The following NLGN1 variants were observed in gnomAD, a reference collection of about 807,000 sequenced individuals.
NLGN1 encodes the protein neuroligin-1.
A neutral mutation model predicts 65.5 loss-of-function variants in NLGN1; 12 were observed. The observed-to-expected ratio is 0.18, with a 90% CI of 0.12 to 0.30. The LOEUF (loss-of-function observed/expected upper bound fraction) is 0.30, where lower values mean the gene tolerates loss of function less well. Among genes scored for constraint, NLGN1 ranks in the 10% least tolerant of loss-of-function variants. The pLI is 1.00. For missense variants in NLGN1, 750 were observed against 1,007.1 expected, an observed-to-expected ratio of 0.74 and a Z score of 3.46; for synonymous variants, 350 against 359.5, an observed-to-expected ratio of 0.97 and a Z score of 0.30.
chr3:173,779,081 G>A (rs887176022), intron 3 of NLGN1, among the ~76,000 whole-genome samples: 3 of 151,506 alleles, frequency 2.0e-5, no homozygotes, highest in African/African-American at 7.2e-5. Context: ...AGTTCATTGT[G>A]CTTAATGTAT....
intron 2 of NLGN1, among the ~76,000 whole-genome samples, chr3:173,505,329 C>T (rs1359432665): frequency 1.3e-5 from 2 of 152,118 alleles, no homozygotes; most frequent in Non-Finnish European, 1.5e-5. Context: ...AATGGAGCTC[C>T]ATGCATGGAA....
At chr3:173,824,956 A>T (rs1173225093) in intron 4 of NLGN1, among the ~76,000 whole-genome samples, 1 of 152,074 alleles carries the variant, frequency 6.6e-6, no homozygotes. Context: ...GCAGATTAGA[A>T]ACATGTAGGT....
At chr3:174,177,290 T>C (rs1051178586) in intron 4 of NLGN1, among the ~76,000 whole-genome samples, 1 of 152,084 alleles carries the variant, frequency 6.6e-6, no homozygotes, top group African/African-American at 2.4e-5. Context: ...TCTTTCTACA[T>C]TTTTATTTTT....
intron 4 of NLGN1, among the ~76,000 whole-genome samples, chr3:174,157,517 C>T (rs981263768): frequency 2.6e-5 from 4 of 151,310 alleles, no homozygotes; most frequent in Admixed American, 6.6e-5. Context: ...TTTCTACCAA[C>T]GATAGTTGAC....
chr3:173,565,101 A>G (rs1294247788), intron 2 of NLGN1, among the ~76,000 whole-genome samples: 1 of 152,214 alleles, frequency 6.6e-6, no homozygotes, highest in Non-Finnish European at 1.5e-5. Flanking sequence ...GGGCAAAGTT[A>G]GAGAAGATGT....
At chr3:173,828,384 C>T (rs1721792839) in intron 4 of NLGN1, among the ~76,000 whole-genome samples, 1 of 152,046 alleles carries the variant, frequency 6.6e-6, no homozygotes, top group Non-Finnish European at 1.5e-5. Flanking sequence ...CACGGGTCCC[C>T]TTCCAAATGA....
chr3:174,107,691 TA>T (rs1332928851), intron 4 of NLGN1, among the ~76,000 whole-genome samples: 1 of 152,206 alleles, frequency 6.6e-6, no homozygotes, highest in Non-Finnish European at 1.5e-5. Context: ...GTTGCATTTT[TA>T]TTTTTTTAAT....
At chr3:173,746,136 A>G (rs1775323555) in intron 3 of NLGN1, among the ~76,000 whole-genome samples, 1 of 151,980 alleles carries the variant, frequency 6.6e-6, no homozygotes, top group South Asian at 2.1e-4. Flanking sequence ...ATACCCACCT[A>G]TTAATCTTAG....
chr3:173,864,596 G>T (rs1297744132), intron 4 of NLGN1, among the ~76,000 whole-genome samples: 1 of 152,054 alleles, frequency 6.6e-6, no homozygotes, highest in Non-Finnish European at 1.5e-5. Context: ...TCTTAATTTT[G>T]CTATTTACCA....
intron 2 of NLGN1, among the ~76,000 whole-genome samples, chr3:173,488,832 C>A (rs1728590075): frequency 6.6e-6 from 1 of 151,168 alleles, no homozygotes. Flanking sequence ...TTGCTTCTTT[C>A]AAAATTTTTT....
chr3:174,281,057 T>C (rs1362331069), exon 7 of NLGN1: 6 of 1,613,404 alleles, frequency 3.7e-6, no homozygotes, highest in African/African-American at 1.3e-5. Flanking sequence ...ATTTGGATCA[T>C]GAATGTGAGT....
chr3:174,030,317 G>A (rs1180745159), intron 4 of NLGN1, among the ~76,000 whole-genome samples: 1 of 151,780 alleles, frequency 6.6e-6, no homozygotes, highest in Non-Finnish European at 1.5e-5. Context: ...GTAGAGATGG[G>A]GTTTCACCAT....
At chr3:174,127,031 T>C (rs1719089864) in intron 4 of NLGN1, among the ~76,000 whole-genome samples, 1 of 152,114 alleles carries the variant, frequency 6.6e-6, no homozygotes, top group Non-Finnish European at 1.5e-5. Context: ...TCACCATTTT[T>C]TCCAAAAATG....
chr3:173,435,092 G>T (rs1253537356), intron 2 of NLGN1: 1 of 152,636 alleles, frequency 6.6e-6, no homozygotes, highest in Non-Finnish European at 1.5e-5. Flanking sequence ...AGTTCTCGCA[G>T]TTTGATTTCC....
intron 2 of NLGN1, among the ~76,000 whole-genome samples, chr3:173,591,745 C>A (rs1223305786): frequency 6.6e-6 from 1 of 152,120 alleles, no homozygotes. Context: ...CCACTCTTCC[C>A]AGGCATGAGC....
At chr3:173,877,786 C>T (rs1483154934) in intron 4 of NLGN1, among the ~76,000 whole-genome samples, 1 of 152,088 alleles carries the variant, frequency 6.6e-6, no homozygotes, top group African/African-American at 2.4e-5. Context: ...CAGTATGTAC[C>T]AGGCATTGTT....
chr3:174,245,948 G>A lies in NLGN1; in HGVS notation c.647-29367G>A, dbSNP rs559347009. ...ATCAAAGGTGATTTTCTCTAGCTTC[G>A]ATAGAATTGTACCCATTGTCAATTT... On this transcript the variant is annotated intron_variant, in intron 4 of 6. Coordinates refer to ENST00000457714, the Ensembl canonical transcript of NLGN1. Among the ~76,000 whole-genome samples the A allele has an allele frequency of 4.6e-5, 7 of 152,232 alleles. No homozygotes were observed. In the East Asian group the frequency reaches 5.8e-4, roughly 13 times the overall value.
intron 3 of NLGN1, among the ~76,000 whole-genome samples, chr3:173,621,332 A>C (rs1050459090): frequency 7.2e-5 from 11 of 152,176 alleles, no homozygotes; most frequent in Non-Finnish European, 1.5e-4. Flanking sequence ...GCAGAGATGT[A>C]GGGCTTTTGT....
chr3:173,502,097 T>C (rs903050972), intron 2 of NLGN1, among the ~76,000 whole-genome samples: 5 of 152,158 alleles, frequency 3.3e-5, no homozygotes, highest in African/African-American at 9.7e-5. Flanking sequence ...CACACTGTAA[T>C]ATTTTTTTCC....
Sources: gnomAD v4.1 joint callset for allele counts (sites outside exome capture counted in the v4.1 genomes callset) on GRCh38, gnomAD v4.1.1 for gene constraint, MANE v1.5 for transcripts, NCBI Gene and HGNC (gene_info 2026-07-23, HGNC 2026-07-21) for gene names.